Variants in VPS8 observed in about 807,000 individuals in gnomAD.
VPS8 encodes VPS8 subunit of CORVET complex.
Under a neutral mutation model 216.4 loss-of-function variants are expected in VPS8, and 129 were observed. That is an observed-to-expected ratio of 0.60 (90% CI 0.52 to 0.69). The LOEUF (loss-of-function observed/expected upper bound fraction) is 0.69, where lower values mean the gene tolerates loss of function less well. VPS8 is among the 30% of genes least tolerant of loss of function. The pLI, the probability that VPS8 is intolerant of heterozygous loss-of-function variation, is 0.00. For missense variants in VPS8, 1,531 were observed against 1,683.5 expected (o/e 0.91, Z 1.59); for synonymous variants, 571 against 565.4 (o/e 1.01, Z -0.14).
chr3:184,859,930 A>G (rs1001495235), intron 14 of VPS8, 55 bp from the exon 15 acceptor site: 3 of 1,375,110 alleles, frequency 2.2e-6, no homozygotes, highest in African/African-American at 1.4e-5. Context: ...TTAAATATCT[A>G]AAAAAGTCCC....
At chr3:184,970,555 C>A (rs1207022772) in intron 39 of VPS8, among the ~76,000 whole-genome samples, 1 of 152,122 alleles carries the variant, frequency 6.6e-6, no homozygotes, top group Non-Finnish European at 1.5e-5. Context: ...ACCTTTTAGG[C>A]TGAGGAAAAC....
At chr3:184,836,111 T>TAAC (rs1031777715) in intron 5 of VPS8, 3 of 361,104 alleles carry the variant, frequency 8.3e-6, no homozygotes, top group African/African-American at 4.3e-5. Context: ...TTAGTGCAAA[T>TAAC]AACAACAACA....
In VPS8 at chr3:184,887,485, G is replaced by A. The variant is rs115023739; in HGVS notation, c.1781+1329G>A. Among the ~76,000 whole-genome samples the A allele has an allele frequency of 4.6e-3, 696 of 150,964 alleles. 8 individuals carry two copies. Among genetic ancestry groups the A allele is most frequent in the African/African-American group, 0.016 (654 of 41,016 alleles). The stretch of plus-strand genomic sequence containing the variant: ...TACATTAATTTATCTAATTTTTGTA[G>A]CAATTTATTTTTATAACAGTGAGGT... On this transcript the variant is annotated intron_variant, in intron 22 of 47. Coordinates refer to ENST00000625842, the MANE Select transcript of VPS8 (RefSeq NM_001009921.3).
At chr3:184,897,721 C>G (rs1490321720) in intron 23 of VPS8, among the ~76,000 whole-genome samples, 1 of 152,112 alleles carries the variant, frequency 6.6e-6, no homozygotes, top group African/African-American at 2.4e-5. Flanking sequence ...ACCTCTCACT[C>G]CCTCTTGTCA....
chr3:184,977,291 C>T (rs1312177667), intron 40 of VPS8, among the ~76,000 whole-genome samples: 1 of 152,064 alleles, frequency 6.6e-6, no homozygotes, highest in African/African-American at 2.4e-5. Flanking sequence ...CCTTTACCCA[C>T]TTTGTAATGG....
intron 40 of VPS8, among the ~76,000 whole-genome samples, chr3:184,977,358 A>G (rs1749445624): frequency 1.3e-5 from 2 of 151,996 alleles, no homozygotes. Context: ...GATATTAGAC[A>G]TTTGTCAGAT....
intron 5 of VPS8, among the ~76,000 whole-genome samples, chr3:184,837,443 A>G (rs62286935): frequency 0.042 from 6,352 of 152,240 alleles, 180 homozygotes; most frequent in Non-Finnish European, 0.064. Context: ...CTGCTGTCTC[A>G]TTTCTCTTTC....
intron 45 of VPS8, among the ~76,000 whole-genome samples, chr3:185,006,434 A>T (rs1261430704): frequency 6.6e-6 from 1 of 152,146 alleles, no homozygotes; most frequent in African/African-American, 2.4e-5. Context: ...TTATCCTACC[A>T]CCAACCTGTT....
In VPS8 at chr3:184,851,065, G is replaced by A. The variant is rs563276860; in HGVS notation, c.753+1043G>A. ...ATGAATGTCTTTGAAATCACAATCT[G>A]TTTGTCATTTATTTTTGTGTTTTAC... On this transcript the variant is annotated intron_variant, in intron 10 of 47. Transcript: ENST00000625842. Among the ~76,000 whole-genome samples, 12 of 152,114 alleles carry A rather than the reference G, an allele frequency of 7.9e-5. No individual in the cohort carries two copies. In the South Asian group the frequency reaches 2.5e-3, roughly 32 times the overall value.
intron 46 of VPS8, among the ~76,000 whole-genome samples, chr3:185,045,353 A>G (rs1712629357): frequency 6.6e-6 from 1 of 152,178 alleles, no homozygotes; most frequent in Admixed American, 6.5e-5. Context: ...GTCTTCAAGT[A>G]TGATTTGGAA....
intron 34 of VPS8, among the ~76,000 whole-genome samples, chr3:184,933,096 A>G (rs192836246): frequency 1.3e-4 from 20 of 152,286 alleles, no homozygotes; most frequent in Admixed American, 1.2e-3. Context: ...GCAATCCCCT[A>G]CATTATTCTG....
chr3:184,956,899 G>T (rs537476795), intron 36 of VPS8, among the ~76,000 whole-genome samples: 1 of 152,244 alleles, frequency 6.6e-6, no homozygotes, highest in South Asian at 2.1e-4. Flanking sequence ...AAGATACCTG[G>T]TACCTACCCC....
At position 184,900,865 on chromosome 3, in the gene VPS8, T is replaced by G; in HGVS notation, c.2095-56T>G. On this transcript the variant is annotated intron_variant, in intron 24 of 47. Coordinates refer to ENST00000625842, the MANE Select transcript of VPS8 (RefSeq NM_001009921.3). ...GATGAATAGCATAAGATTCTTATTT[T>G]TTAAATAATATCATTTGAGATGATG... The G allele has an allele frequency of 6.9e-6, 10 of 1,459,310 alleles. No individual in the cohort carries two copies. In the South Asian group the frequency reaches 1.2e-4, roughly 18 times the overall value. 90.4% of individuals were successfully genotyped at this position (1,459,310 alleles called of 1,614,324 possible).
At chr3:185,012,036 T>C (rs1755079459) in intron 45 of VPS8, among the ~76,000 whole-genome samples, 1 of 152,112 alleles carries the variant, frequency 6.6e-6, no homozygotes, top group Non-Finnish European at 1.5e-5. Flanking sequence ...TTTTATTAGA[T>C]GTCAACAGCA....
chr3:185,051,482 G>C (rs1270906642), intron 47 of VPS8, among the ~76,000 whole-genome samples: 1 of 152,106 alleles, frequency 6.6e-6, no homozygotes, highest in Non-Finnish European at 1.5e-5. Context: ...GGAACAAGCA[G>C]AGCTGAGAAC....
intron 21 of VPS8, among the ~76,000 whole-genome samples, chr3:184,877,370 A>G (rs1050174984): frequency 6.6e-6 from 1 of 152,158 alleles, no homozygotes; most frequent in Non-Finnish European, 1.5e-5. Context: ...TGTCCTTGAT[A>G]AATAGTTGTT....
chr3:184,835,365 G>T (rs557233576), intron 5 of VPS8, among the ~76,000 whole-genome samples: 1 of 152,252 alleles, frequency 6.6e-6, no homozygotes, highest in South Asian at 2.1e-4. Context: ...AAATGGAGGT[G>T]GCATTGGTGA....
At position 184,993,966 on chromosome 3, in the gene VPS8, T is replaced by A; in HGVS notation, c.3586-17T>A. 6.6e-7 allele frequency: 1 copy of A among 1,523,200 alleles called. No individual in the cohort carries two copies. The highest frequency in any genetic ancestry group is 2.4e-5 in the East Asian group (1 of 41,616). 94.4% of individuals were successfully genotyped at this position (1,523,200 alleles called of 1,614,324 possible). A position where few individuals can be genotyped will look rare whatever the true frequency, so the allele number is the denominator to read the frequency against. ...AAAATACAGAATTGTAACAGAATTGTAATTTTTTCCGATTAGGATCCAGTT... is the reference window on the plus strand; with the variant it reads ...AAAATACAGAATTGTAACAGAATTGAAATTTTTTCCGATTAGGATCCAGTT... On this transcript the variant is annotated splice_polypyrimidine_tract_variant and intron_variant, in intron 42 of 47. Transcript: ENST00000625842.
intron 34 of VPS8, among the ~76,000 whole-genome samples, chr3:184,930,818 T>G (rs1740553135): frequency 6.6e-6 from 1 of 152,242 alleles, no homozygotes; most frequent in South Asian, 2.1e-4. Flanking sequence ...TAATGCATTT[T>G]TACAAAGTTC....
Sources: gnomAD v4.1 joint callset for allele counts (sites outside exome capture counted in the v4.1 genomes callset) on GRCh38, gnomAD v4.1.1 for gene constraint, MANE v1.5 for transcripts, NCBI Gene and HGNC (gene_info 2026-07-23, HGNC 2026-07-21) for gene names.